GARIN5B: variants seen among roughly 807,000 people sequenced by gnomAD.
The protein encoded by GARIN5B is Golgi-associated RAB2 interactor protein 5B.
the GARIN5B span, chr19:55,359,602 G>A: frequency 6.4e-7 from 1 of 1,551,250 alleles, no homozygotes; most frequent in Non-Finnish European, 8.7e-7. Context: ...GTACAGCTGG[G>A]AGCTTCTGGG....
the GARIN5B span, chr19:55,359,283 A>T: frequency 6.8e-7 from 1 of 1,466,722 alleles, no homozygotes; most frequent in Non-Finnish European, 9.0e-7. Flanking sequence ...AGGAGTAGAG[A>T]TTTCTTCTTT....
At chr19:55,359,466 G>C in the GARIN5B span, 1 of 1,546,674 alleles carries the variant, frequency 6.5e-7, no homozygotes, top group Non-Finnish European at 8.7e-7. Flanking sequence ...TTCTGGGATG[G>C]AGCAGGTACG....
At chr19:55,362,107 C>A in the GARIN5B span, 2 of 1,216,242 alleles carry the variant, frequency 1.6e-6, no homozygotes, top group Non-Finnish European at 1.1e-6. Context: ...GGGGTCCAGG[C>A]CCCCAGCCCC....
the GARIN5B span, chr19:55,362,813 C>G: frequency 1.3e-6 from 2 of 1,482,158 alleles, no homozygotes; most frequent in Admixed American, 2.3e-5. Flanking sequence ...GATCGTCCCC[C>G]ACACAGTGAC....
At chr19:55,361,404 G>A in the GARIN5B span, 84 of 1,525,524 alleles carry the variant, frequency 5.5e-5, no homozygotes, top group Non-Finnish European at 6.9e-5. Context: ...AGCAGGGCCT[G>A]CTCACCTGCA....
At chr19:55,359,834 T>G in the GARIN5B span, 1 of 1,551,456 alleles carries the variant, frequency 6.4e-7, no homozygotes, top group South Asian at 1.2e-5. Flanking sequence ...CATGAGGTCT[T>G]CCGTGTCCTG....
chr19:55,362,193 C>T, the GARIN5B span: 67 of 1,463,600 alleles, frequency 4.6e-5, no homozygotes, highest in Middle Eastern at 2.3e-4. Flanking sequence ...TGGATCTGGC[C>T]GGAGGGTTCC....
the GARIN5B span, chr19:55,359,131 T>G: frequency 1.3e-6 from 2 of 1,551,154 alleles, no homozygotes; most frequent in East Asian, 4.9e-5. Context: ...CAGACTGGCT[T>G]CTCTCCAGCA....
the GARIN5B span, chr19:55,359,686 C>A: frequency 1.2e-5 from 19 of 1,551,382 alleles, no homozygotes; most frequent in Admixed American, 7.8e-5. Context: ...GTGGTGGCCC[C>A]GGCCCCTGGT....
the GARIN5B span, chr19:55,361,180 C>G: frequency 6.4e-7 from 1 of 1,551,280 alleles, no homozygotes; most frequent in Non-Finnish European, 8.7e-7. Context: ...TCACCTTGGC[C>G]TTCCTCTGTC....
chr19:55,358,533 GCTGCTCCTTC>G, the GARIN5B span: 7 of 31,446 alleles, frequency 2.2e-4, no homozygotes, highest in Non-Finnish European at 2.3e-4. Flanking sequence ...TCGCCCCATG[GCTGCTCCTTC>G]ATCTCGCCCC....
the GARIN5B span, chr19:55,360,850 T>C: frequency 2.6e-6 from 4 of 1,548,892 alleles, no homozygotes; most frequent in Non-Finnish European, 3.5e-6. Flanking sequence ...GGGTTGATCT[T>C]ACCAGGCAAG....
the GARIN5B span, among the ~76,000 whole-genome samples, chr19:55,357,089 C>T: frequency 6.6e-6 from 1 of 152,086 alleles, no homozygotes; most frequent in African/African-American, 2.4e-5. Flanking sequence ...GAGAGGACCT[C>T]CAACCCATGA....
the GARIN5B span, chr19:55,361,500 G>T: frequency 2.8e-6 from 4 of 1,426,492 alleles, no homozygotes; most frequent in South Asian, 6.1e-5. Context: ...CCCAGCGAGA[G>T]GCCTAGGCCC....
chr19:55,360,776 G>A, the GARIN5B span: 2 of 1,551,700 alleles, frequency 1.3e-6, no homozygotes, highest in South Asian at 1.2e-5. Flanking sequence ...TTCTCTGGAT[G>A]GGGGAGCCGT....
the GARIN5B span, chr19:55,362,365 G>C: frequency 6.4e-7 from 1 of 1,550,646 alleles, no homozygotes; most frequent in Non-Finnish European, 8.7e-7. Flanking sequence ...GGCGGACCCA[G>C]CAGTGGAACA....
the GARIN5B span, among the ~76,000 whole-genome samples, chr19:55,361,846 GA>G: frequency 1.4e-5 from 1 of 70,410 alleles, no homozygotes; most frequent in African/African-American, 7.6e-5. Context: ...AGACCCAGGA[GA>G]GTTCAGACTG....
At chr19:55,360,351 C>G in the GARIN5B span, among the ~76,000 whole-genome samples, 1 of 148,582 alleles carries the variant, frequency 6.7e-6, no homozygotes, top group East Asian at 2.0e-4. Flanking sequence ...CCCCCAGCCC[C>G]TCCTCCCTCA....
the GARIN5B span, chr19:55,358,641 C>T: frequency 1.0e-5 from 16 of 1,551,198 alleles, no homozygotes; most frequent in East Asian, 4.9e-5. Context: ...GACAGCTGGC[C>T]GGGGCGGGAG....
Sources: gnomAD v4.1 joint callset for allele counts (sites outside exome capture counted in the v4.1 genomes callset) on GRCh38, gnomAD v4.1.1 for gene constraint, MANE v1.5 for transcripts, NCBI Gene and HGNC (gene_info 2026-07-23, HGNC 2026-07-21) for gene names.